Variants in FMNL3 observed in about 807,000 individuals in gnomAD.
FMNL3 encodes the protein formin-like protein 3.
In FMNL3, 57 loss-of-function variants were observed where a neutral mutation model predicts 119.6. The observed-to-expected ratio is 0.48, with a 90% CI of 0.39 to 0.59. The LOEUF (loss-of-function observed/expected upper bound fraction) is 0.59. Among genes scored for constraint, FMNL3 ranks in the 20% least tolerant of loss-of-function variants. The pLI is 0.00. For synonymous variants in FMNL3, 491 were observed against 507.3 expected (o/e 0.97, Z 0.43); for missense variants, 1,053 against 1,323.5 (o/e 0.80, Z 3.17).
chr12:49,648,975 G>A (rs1943303754), intron 21 of FMNL3, 54 bp downstream of exon 21: 1 of 1,527,612 alleles, frequency 6.5e-7, no homozygotes. Flanking sequence ...TAGCTTCCTG[G>A]GATTGTCCTG....
chr12:49,678,029 A>AT (rs1421168697), intron 1 of FMNL3, among the ~76,000 whole-genome samples: 1 of 151,730 alleles, frequency 6.6e-6, no homozygotes, highest in Non-Finnish European at 1.5e-5. Context: ...TACCCGGCTA[A>AT]TTTTTTGTAT....
rs944299808 is a variant in FMNL3 at position 49,640,324 on chromosome 12, G to C, written c.*5491C>G. 1.3e-5 allele frequency: 2 copies of C among 152,192 alleles called. No individual in the cohort carries two copies. The highest frequency in any genetic ancestry group is 4.8e-5 in the African/African-American group (2 of 41,438). 9.4% of individuals were successfully genotyped at this position (152,192 alleles called of 1,614,324 possible). ...ATGTTTGAAAATCAGGAGAGATGAAGGATGAGATTGCGAGGGAGTACAGAT... is the reference window on the plus strand; with the variant it reads ...ATGTTTGAAAATCAGGAGAGATGAACGATGAGATTGCGAGGGAGTACAGAT... On this transcript the variant is annotated 3_prime_UTR_variant, in exon 26 of 26. Coordinates refer to ENST00000335154, the MANE Select transcript of FMNL3 (RefSeq NM_175736.5).
At chr12:49,697,797 G>A (rs931661926) in intron 1 of FMNL3, among the ~76,000 whole-genome samples, 4 of 151,844 alleles carry the variant, frequency 2.6e-5, no homozygotes, top group Admixed American at 2.6e-4. Context: ...ATCCTCACAC[G>A]TGTCATAAAG....
chr12:49,683,853 C>T (rs937469927), intron 1 of FMNL3, among the ~76,000 whole-genome samples: 14 of 152,212 alleles, frequency 9.2e-5, no homozygotes, highest in African/African-American at 3.4e-4. Flanking sequence ...AGAGGGTTCT[C>T]TGAACACATC....
intron 1 of FMNL3, among the ~76,000 whole-genome samples, chr12:49,704,340 T>C (rs1944985471): frequency 1.3e-5 from 2 of 152,140 alleles, no homozygotes; most frequent in Admixed American, 6.5e-5. Context: ...TAACCAATTA[T>C]AATGAAGCTG....
rs746403254 is a variant in FMNL3, at chr12:49,642,941, G to A, written c.*2874C>T. 1.2e-6 allele frequency: 2 copies of A among 1,613,426 alleles called. No homozygotes were observed. Among genetic ancestry groups the A allele is most frequent in the Non-Finnish European group, 8.5e-7 (1 of 1,179,636 alleles). Reference sequence around the variant, plus strand: ...TCTGCCTCTAGCAGACTGAATGCCAGCACCTCCACACCAAAGGCCGAAAGC... The same window carrying A: ...TCTGCCTCTAGCAGACTGAATGCCAACACCTCCACACCAAAGGCCGAAAGC... On this transcript the variant is annotated 3_prime_UTR_variant, in exon 26 of 26. Coordinates refer to ENST00000335154, the MANE Select transcript of FMNL3 (RefSeq NM_175736.5). The surrounding 1 kb of genome is among the most constrained non-coding windows in gnomAD (Gnocchi z 5.8).
chr12:49,700,405 AAAAAAG>A, intron 1 of FMNL3, among the ~76,000 whole-genome samples: 1 of 149,982 alleles, frequency 6.7e-6, no homozygotes, highest in South Asian at 2.1e-4. Flanking sequence ...AAAAAAAAAA[AAAAAAG>A]AGATTTTAAA....
At position 49,637,719 on chromosome 12, in the gene FMNL3, C is replaced by A; in HGVS notation, c.*8096G>T. On this transcript the variant is annotated 3_prime_UTR_variant, in exon 26 of 26. Coordinates refer to ENST00000335154, the MANE Select transcript of FMNL3 (RefSeq NM_175736.5). ...GCTGCCGCCCGCCAGGCCCCCCTCC[C>A]TCCCTCCTTACAGGCTCCACCCCTC... 3 of 1,563,800 alleles carry A rather than the reference C, an allele frequency of 1.9e-6. No individual in the cohort carries two copies. The highest frequency in any genetic ancestry group is 1.1e-5 in the South Asian group (1 of 88,910).
In FMNL3 at chr12:49,647,450, G is replaced by A; in HGVS notation, c.2779-82C>T. On this transcript the variant is annotated intron_variant, in intron 23 of 25. Coordinates refer to ENST00000335154, the MANE Select transcript of FMNL3 (RefSeq NM_175736.5). This position sits in a 1 kb window ranked among gnomAD's most constrained non-coding sequence, Gnocchi z 4.9. ...GGGCTGACACTGAGGTGGAGAGTGG[G>A]TGGCAGTGGGACCCGCTAACTCCAG... 1 of 1,460,544 alleles carries A rather than the reference G, an allele frequency of 6.8e-7. No homozygotes were observed. Among genetic ancestry groups the A allele is most frequent in the Non-Finnish European group, 9.5e-7 (1 of 1,051,886 alleles). 90.5% of individuals were successfully genotyped at this position (1,460,544 alleles called of 1,614,324 possible).
Position 49,644,174 on chromosome 12 carries a change from G to T in FMNL3, c.*1641C>A. 6.2e-7 allele frequency: 1 copy of T among 1,614,118 alleles called. No individual in the cohort carries two copies. On this transcript the variant is annotated 3_prime_UTR_variant, in exon 26 of 26. Coordinates refer to ENST00000335154, the MANE Select transcript of FMNL3 (RefSeq NM_175736.5). ...GGCGGCGGCGGACACTCCTACAGCA[G>T]CTGGATGATCACCAGTGACCCAATG...
Position 49,653,284 on chromosome 12 carries a change from C to T in FMNL3, c.1265G>A (p.Arg422Gln), listed in dbSNP as rs116557867. ...LLDLENENMM[R>Q]VAELEKQLLQ... ...CAGCTGCTTCTCTAGTTCTGCCACC[C>T]GCATCATGTTTTCATTCTCTAGGTC... is the stretch of plus-strand genomic sequence containing the variant. Residue 422 changes from arginine to glutamine, a missense_variant, in exon 13 of 26, where the codon CGG (arginine) becomes CAG (glutamine). Arg to Gln is a conservative substitution (Grantham distance 43). Coordinates refer to ENST00000335154, the MANE Select transcript of FMNL3 (RefSeq NM_175736.5). 8.3e-4 allele frequency: 1,332 copies of T among 1,614,086 alleles called. 12 individuals carry two copies. In the African/African-American group the frequency reaches 0.012, roughly 15 times the overall value.
In FMNL3 at chr12:49,639,917, G is replaced by A. The variant is rs1055524650; in HGVS notation, c.*5898C>T. 3 of 152,178 alleles carry A rather than the reference G, an allele frequency of 2.0e-5. No individual in the cohort carries two copies. The East Asian group carries it at 5.8e-4, about 29-fold the overall frequency. The allele number at this position is 152,178 out of a possible 1,614,324, so 9.4% of individuals were successfully genotyped here. A position where few individuals can be genotyped will look rare whatever the true frequency, so the allele number is the denominator to read the frequency against. On this transcript the variant is annotated 3_prime_UTR_variant, in exon 26 of 26. Coordinates refer to ENST00000335154, the MANE Select transcript of FMNL3 (RefSeq NM_175736.5). ...CAGAATAATCGTATAAAGTAGAAAT[G>A]CCTTATCCTGGGATAGCTAAATTTT... is the stretch of plus-strand genomic sequence containing the variant.
chr12:49,698,791 A>G (rs1001870079), intron 1 of FMNL3, among the ~76,000 whole-genome samples: 1 of 152,220 alleles, frequency 6.6e-6, no homozygotes, highest in African/African-American at 2.4e-5. Flanking sequence ...ATACAAAGAC[A>G]TAACTTTGCC....
At position 49,637,576 on chromosome 12, in the gene FMNL3, G is replaced by C; in HGVS notation, c.*8239C>G. On this transcript the variant is annotated 3_prime_UTR_variant, in exon 26 of 26. Transcript: ENST00000335154. Reference sequence around the variant, plus strand: ...GATGTCCGCTTTGCCAACATGCTGGGCCAGCCGGGTAAGGCAGCCAGGCTC... The same window carrying C: ...GATGTCCGCTTTGCCAACATGCTGGCCCAGCCGGGTAAGGCAGCCAGGCTC... 1 of 1,613,454 alleles carries C rather than the reference G, an allele frequency of 6.2e-7. No homozygotes were observed. The highest frequency in any genetic ancestry group is 8.5e-7 in the Non-Finnish European group (1 of 1,179,970).
At chr12:49,699,185 A>T in intron 1 of FMNL3, among the ~76,000 whole-genome samples, 1 of 152,176 alleles carries the variant, frequency 6.6e-6, no homozygotes. Context: ...CTGGTCTGGC[A>T]GACCAGATGA....
At chr12:49,652,264 T>C (rs776616585) in intron 13 of FMNL3, 52 bp from the exon 14 acceptor site, 90 of 1,571,152 alleles carry the variant, frequency 5.7e-5, no homozygotes, top group Non-Finnish European at 7.3e-5. Flanking sequence ...GGCATAGTCA[T>C]TGCCCCAAGA....
rs1943324989 is a variant in FMNL3 at position 49,649,477 on chromosome 12, A to G, written c.2297T>C (p.Met766Thr). ...SVKSSQKLKQMLEIILALGNY... is the reference protein window; with the variant it reads ...SVKSSQKLKQTLEIILALGNY... ...TTCACAACCTCTTCCCACCTCCAACATCTGCTTCAGCTTCTGTGAAGACTT... is the reference window on the plus strand; with the variant it reads ...TTCACAACCTCTTCCCACCTCCAACGTCTGCTTCAGCTTCTGTGAAGACTT... The change falls in exon 19 of 26, where the codon ATG (methionine) becomes ACG (threonine). Residue 766 changes from methionine (M) to threonine (T), a missense_variant. By Grantham distance (81) the Met-to-Thr change is moderately conservative. Coordinates refer to ENST00000335154, the MANE Select transcript of FMNL3 (RefSeq NM_175736.5). The surrounding 1 kb of genome is among the most constrained non-coding windows in gnomAD (Gnocchi z 5.6). 2 of 1,614,070 alleles carry G rather than the reference A, an allele frequency of 1.2e-6. No homozygotes were observed. Among genetic ancestry groups the G allele is most frequent in the Non-Finnish European group, 1.7e-6 (2 of 1,180,020 alleles).
intron 1 of FMNL3, among the ~76,000 whole-genome samples, chr12:49,699,810 A>G (rs1206360863): frequency 2.0e-5 from 3 of 152,264 alleles, no homozygotes; most frequent in Non-Finnish European, 4.4e-5. Context: ...AGAGAACTGC[A>G]AAGTAAAACA....
In FMNL3 at chr12:49,693,636, G is replaced by GTTTT. The variant is rs71080198; in HGVS notation, c.126+13415_126+13418dup. 7.9e-5 allele frequency among the ~76,000 whole-genome samples: 5 copies of GTTTT among 63,362 alleles called. 1 individual carries two copies. The highest frequency in any genetic ancestry group is 1.3e-4 in the African/African-American group (2 of 15,960). The allele number at this position is 63,362 out of a possible 152,430, so 41.6% of individuals were successfully genotyped here. A position where few individuals can be genotyped will look rare whatever the true frequency, so the allele number is the denominator to read the frequency against. ...CACCCGCCTCAGCCTCCCAATCTTGGTTTTTTTTTTTTTTTTTTTTTTTTT... is the reference window on the plus strand; with the variant it reads ...CACCCGCCTCAGCCTCCCAATCTTGGTTTTTTTTTTTTTTTTTTTTTTTTTTTTT... On this transcript the variant is annotated intron_variant, in intron 1 of 25. Coordinates refer to ENST00000335154, the MANE Select transcript of FMNL3 (RefSeq NM_175736.5).
Sources: gnomAD v4.1 joint callset for allele counts (sites outside exome capture counted in the v4.1 genomes callset) on GRCh38, gnomAD v4.1.1 for gene constraint, Gnocchi (gnomAD v3.1) non-coding constraint, MANE v1.5 for transcripts, NCBI Gene and HGNC (gene_info 2026-07-23, HGNC 2026-07-21) for gene names.